The following SEMA4G variants were observed in gnomAD, a reference collection of about 807,000 sequenced individuals.
SEMA4G encodes the protein semaphorin 4G.
A neutral mutation model predicts 81.2 loss-of-function variants in SEMA4G; 59 were observed. The observed-to-expected ratio is 0.73, with a 90% confidence interval of 0.59 to 0.90. The LOEUF is 0.90. Ranked by LOEUF, SEMA4G falls within the 40% of genes least tolerant of loss-of-function variation. The probability of loss-of-function intolerance (pLI) is 0.00; values close to 1 mark genes in which losing one functional copy is unlikely to be tolerated. For missense variants in SEMA4G, 952 were observed against 1,102.3 expected (o/e 0.86, Z 1.93); for synonymous variants, 404 against 433.9 (o/e 0.93, Z 0.86).
In SEMA4G at chr10:100,973,662, G is replaced by C; in HGVS notation, c.336+53G>C. ...CTTTCCTCCCCTTCTTCCTCAATCA[G>C]GGATGCCAGGATTGTTGGGGACACA... On this transcript the variant is annotated intron_variant, in intron 3 of 13. Transcript: ENST00000370250. This position sits in a 1 kb window ranked among gnomAD's most constrained non-coding sequence, Gnocchi z 5.5. 5 of 1,542,078 alleles carry C rather than the reference G, an allele frequency of 3.2e-6. No individual in the cohort carries two copies. The highest frequency in any genetic ancestry group is 4.5e-6 in the Non-Finnish European group (5 of 1,119,224).
chr10:100,972,959 C>T (rs762257142), exon 1 of SEMA4G: 3 of 1,613,484 alleles, frequency 1.9e-6, no homozygotes, highest in Admixed American at 3.3e-5. Flanking sequence ...CTCACAGCAA[C>T]TGCAGTCCCA....
chr10:100,975,212 T>G (rs1669882643), intron 3 of SEMA4G: 1 of 351,208 alleles, frequency 2.8e-6, no homozygotes, highest in South Asian at 2.4e-5. Context: ...CTAACTTTAA[T>G]GTATCACCCA....
chr10:100,977,887 G>A lies in SEMA4G; in HGVS notation c.435+157G>A, dbSNP rs1850869849. On this transcript the variant is annotated intron_variant, in intron 4 of 13. Coordinates refer to ENST00000370250, the Ensembl canonical transcript of SEMA4G. ...CACTCCAGTGGCGGCGGGCTGCACTGGAGAACCATTCCCCTTTGTAAAAAC... is the reference window on the plus strand; with the variant it reads ...CACTCCAGTGGCGGCGGGCTGCACTAGAGAACCATTCCCCTTTGTAAAAAC... 5 of 633,852 alleles carry A rather than the reference G, an allele frequency of 7.9e-6. 1 individual carries two copies. The South Asian group carries it at 9.3e-5, about 12-fold the overall frequency. 39.3% of individuals were successfully genotyped at this position (633,852 alleles called of 1,614,324 possible).
At position 100,978,641 on chromosome 10, in the gene SEMA4G, G is replaced by A; in HGVS notation, c.643+1G>A. The A allele has an allele frequency of 6.2e-7, 1 of 1,612,904 alleles. No homozygotes were observed. The highest frequency in any genetic ancestry group is 8.5e-7 in the Non-Finnish European group (1 of 1,178,992). ...GAGACACCAATGCATTGGCTCAATG[G>A]TTAGGAGGATGAGGCACAGGATGAT... is the stretch of plus-strand genomic sequence containing the variant. On this transcript the variant is annotated splice_donor_variant, in intron 6 of 13. Coordinates refer to ENST00000370250, the Ensembl canonical transcript of SEMA4G. LOFTEE classifies it high-confidence loss of function.
At chr10:100,985,077 C>T (rs926970920), downstream of SEMA4G, 14 of 630,170 alleles carry the variant, frequency 2.2e-5, no homozygotes, top group East Asian at 2.9e-5. Context: ...ACTGTCCTCA[C>T]AGGCCCTTGC....
At chr10:100,985,152 G>A, downstream of SEMA4G, 2 of 416,916 alleles carry the variant, frequency 4.8e-6, no homozygotes, top group Non-Finnish European at 8.5e-6. Context: ...TCAAGCATTT[G>A]CTTCCTCTAG....
chr10:100,980,935 G>T, exon 12 of SEMA4G: 1 of 1,610,784 alleles, frequency 6.2e-7, no homozygotes, highest in Non-Finnish European at 8.5e-7. Context: ...ACTGTGGCTG[G>T]GACCCTGGCA....
chr10:100,984,861 C>T (rs999055334), downstream of SEMA4G: 2 of 1,491,708 alleles, frequency 1.3e-6, no homozygotes, highest in South Asian at 1.3e-5. Context: ...GAATCAGCCT[C>T]CCCACTCTCC....
chr10:100,973,692 G>C lies in SEMA4G; in HGVS notation c.336+83G>C. The C allele has an allele frequency of 7.8e-7, 1 of 1,277,206 alleles. No individual in the cohort carries two copies. The highest frequency in any genetic ancestry group is 1.1e-6 in the Non-Finnish European group (1 of 894,696). The allele number at this position is 1,277,206 out of a possible 1,614,324, so 79.1% of individuals were successfully genotyped here. On this transcript the variant is annotated intron_variant, in intron 3 of 13. Transcript: ENST00000370250. The surrounding 1 kb of genome is among the most constrained non-coding windows in gnomAD (Gnocchi z 5.5). ...GCCAGGATTGTTGGGGACACAGATG[G>C]GTAGGTACAGACCTGCCAGTCAATC...
At position 100,980,599 on chromosome 10, in the gene SEMA4G, C is replaced by CCCTA. The variant is rs1851020664; in HGVS notation, c.1374_1375insCTAC (p.Val459LeufsTer12). 6.2e-7 allele frequency: 1 copy of CCCTA among 1,614,004 alleles called. No individual in the cohort carries two copies. The highest frequency in any genetic ancestry group is 8.5e-7 in the Non-Finnish European group (1 of 1,179,990). ...CCAGCTGATGGCTGGATCCACAAGG[C>CCCTA]CGTAGTCCTGGGCTCTGGGATGCAC... On this transcript the variant is annotated frameshift_variant, in exon 11 of 14. Coordinates refer to ENST00000370250, the Ensembl canonical transcript of SEMA4G. LOFTEE classifies it high-confidence loss of function.
rs1472037881 is a variant in SEMA4G at position 100,978,641 on chromosome 10, G to T, written c.643+1G>T. On this transcript the variant is annotated splice_donor_variant, in intron 6 of 13. Coordinates refer to ENST00000370250, the Ensembl canonical transcript of SEMA4G. LOFTEE classifies it high-confidence loss of function. ...GAGACACCAATGCATTGGCTCAATGGTTAGGAGGATGAGGCACAGGATGAT... is the reference window on the plus strand; with the variant it reads ...GAGACACCAATGCATTGGCTCAATGTTTAGGAGGATGAGGCACAGGATGAT... 8 of 1,612,904 alleles carry T rather than the reference G, an allele frequency of 5.0e-6. No homozygotes were observed. The highest frequency in any genetic ancestry group is 6.8e-6 in the Non-Finnish European group (8 of 1,178,992).
At chr10:100,979,760 G>C in intron 8 of SEMA4G, 88 bp from the exon 10 acceptor site, 1 of 1,517,370 alleles carries the variant, frequency 6.6e-7, no homozygotes, top group Non-Finnish European at 9.0e-7. Context: ...GGTTGGCCAG[G>C]GTAACAGTGA....
chr10:100,983,964 C>T, exon 14 of SEMA4G: 1 of 1,605,338 alleles, frequency 6.2e-7, no homozygotes, highest in South Asian at 1.1e-5. Context: ...CTTGGTGGCA[C>T]TGCCCAGCCG....
rs574744136 is a variant in SEMA4G, at chr10:100,975,906, T to A, written c.337-1726T>A. Reference sequence around the variant, plus strand: ...GAGCAAGACTCCGTCTCAAAAAAAATAAAATTAAAAAAATAAATAAACATC... The same window carrying A: ...GAGCAAGACTCCGTCTCAAAAAAAAAAAAATTAAAAAAATAAATAAACATC... On this transcript the variant is annotated intron_variant, in intron 3 of 13. Transcript: ENST00000370250. 6.6e-5 allele frequency among the ~76,000 whole-genome samples: 10 copies of A among 151,920 alleles called. No individual in the cohort carries two copies. The South Asian group carries it at 1.2e-3, about 19-fold the overall frequency.
At chr10:100,980,328 G>C in exon 10 of SEMA4G, 1 of 1,614,138 alleles carries the variant, frequency 6.2e-7, no homozygotes, top group Non-Finnish European at 8.5e-7. Flanking sequence ...CCTATGACCT[G>C]CTCTTTCTGG....
intron 13 of SEMA4G, chr10:100,981,582 G>A: frequency 6.2e-7 from 1 of 1,609,968 alleles, no homozygotes; most frequent in Non-Finnish European, 8.5e-7. Flanking sequence ...CAGCTAAGAT[G>A]TATTAAGTAT....
upstream of SEMA4G, chr10:100,969,863 C>T: frequency 2.2e-6 from 1 of 455,840 alleles, no homozygotes; most frequent in South Asian, 1.5e-5. Flanking sequence ...TGGGTCACGT[C>T]TCCCGGCGTC....
At chr10:100,971,535 C>T (rs1003102647), upstream of SEMA4G, among the ~76,000 whole-genome samples, 4 of 152,194 alleles carry the variant, frequency 2.6e-5, no homozygotes, top group Non-Finnish European at 4.4e-5. Flanking sequence ...TGATTCCTCC[C>T]CTCTTTCCAA....
Position 100,983,644 on chromosome 10 carries a change from A to G in SEMA4G, c.2030A>G (p.Tyr677Cys), listed in dbSNP as rs544195173. ...CTGGCACCTGATGTGAGACTGCTCT[A>G]TGTGCTAGCCATTGCCGCGCTTGGT... The change falls in exon 14 of 14, where the codon TAT (tyrosine) becomes TGT (cysteine). Residue 677 changes from tyrosine to cysteine, a missense_variant. Coordinates refer to ENST00000370250, the Ensembl canonical transcript of SEMA4G. 7.4e-6 allele frequency: 12 copies of G among 1,613,788 alleles called. No homozygotes were observed. The Admixed American group carries it at 8.3e-5, about 11-fold the overall frequency.
Sources: gnomAD v4.1 joint callset for allele counts (sites outside exome capture counted in the v4.1 genomes callset) on GRCh38, gnomAD v4.1.1 for gene constraint, Gnocchi (gnomAD v3.1) non-coding constraint, MANE v1.5 for transcripts, NCBI Gene and HGNC (gene_info 2026-07-23, HGNC 2026-07-21) for gene names.